The following CTDSPL variants were observed in gnomAD, a reference collection of about 807,000 sequenced individuals.
The protein encoded by CTDSPL is CTD small phosphatase like, also known as CTD small phosphatase-like protein.
Under a neutral mutation model 30.5 loss-of-function variants are expected in CTDSPL, and 8 were observed. The observed-to-expected ratio is 0.26, with a 90% CI of 0.15 to 0.47. The LOEUF (loss-of-function observed/expected upper bound fraction) is 0.47. Among genes scored for constraint, CTDSPL ranks in the 20% least tolerant of loss-of-function variants. CTDSPL has a pLI of 0.99. For missense variants in CTDSPL, 248 were observed against 366.1 expected, an observed-to-expected ratio of 0.68 and a Z score of 2.63; for synonymous variants, 110 against 137.9, an observed-to-expected ratio of 0.80 and a Z score of 1.42.
At chr3:37,875,485 T>A (rs1387431619) in intron 1 of CTDSPL, among the ~76,000 whole-genome samples, 1 of 152,244 alleles carries the variant, frequency 6.6e-6, no homozygotes, top group Admixed American at 6.5e-5. Flanking sequence ...GTATTTAAGC[T>A]TTCAGTGTTT....
intron 1 of CTDSPL, among the ~76,000 whole-genome samples, chr3:37,874,566 C>G (rs1360438416): frequency 6.6e-6 from 1 of 152,076 alleles, no homozygotes; most frequent in Non-Finnish European, 1.5e-5. Flanking sequence ...CCCGTCTCTA[C>G]TAAAAATACA....
At chr3:37,879,219 A>T (rs1698174572) in intron 1 of CTDSPL, among the ~76,000 whole-genome samples, 1 of 152,208 alleles carries the variant, frequency 6.6e-6, no homozygotes, top group East Asian at 1.9e-4. Flanking sequence ...TAGAGATCAC[A>T]ATTCTGATGG....
At chr3:37,874,986 C>T (rs144429484) in intron 1 of CTDSPL, among the ~76,000 whole-genome samples, 3 of 152,208 alleles carry the variant, frequency 2.0e-5, no homozygotes, top group African/African-American at 7.2e-5. Flanking sequence ...CTTAAAAATC[C>T]ACTACCTTTA....
At chr3:37,874,890 TTA>T (rs1330248216) in intron 1 of CTDSPL, among the ~76,000 whole-genome samples, 1 of 152,174 alleles carries the variant, frequency 6.6e-6, no homozygotes, top group South Asian at 2.1e-4. Context: ...GTTGAAAGAA[TTA>T]TATGTCTTAG....
At chr3:37,972,510 A>G (rs1699378940) in intron 6 of CTDSPL, among the ~76,000 whole-genome samples, 1 of 152,332 alleles carries the variant, frequency 6.6e-6, no homozygotes, top group African/African-American at 2.4e-5. Flanking sequence ...ACATATATTT[A>G]TTGGTGATGA....
At chr3:37,972,100 C>G (rs1355001892) in intron 6 of CTDSPL, among the ~76,000 whole-genome samples, 5 of 152,220 alleles carry the variant, frequency 3.3e-5, no homozygotes, top group Non-Finnish European at 7.3e-5. Context: ...GGCTCACATA[C>G]AGCAAGTATT....
intron 3 of CTDSPL, 132 bp from the exon 4 acceptor site, chr3:37,964,439 T>A (rs1699277385): frequency 1.7e-6 from 1 of 572,822 alleles, no homozygotes; most frequent in Admixed American, 3.0e-5. Flanking sequence ...GCAAACTACT[T>A]ATTCCTATTG....
chr3:37,904,096 A>G (rs1047228502), intron 1 of CTDSPL, among the ~76,000 whole-genome samples: 1 of 152,232 alleles, frequency 6.6e-6, no homozygotes, highest in Non-Finnish European at 1.5e-5. Flanking sequence ...TCGTAACATG[A>G]AGAATTCTAT....
intron 1 of CTDSPL, among the ~76,000 whole-genome samples, chr3:37,882,305 G>A (rs2125592771): frequency 6.6e-6 from 1 of 152,196 alleles, no homozygotes; most frequent in East Asian, 1.9e-4. Flanking sequence ...AGCCAGGTGT[G>A]GTGGCTGGTG....
At chr3:37,963,845 A>C (rs1341612494) in intron 3 of CTDSPL, among the ~76,000 whole-genome samples, 1 of 152,110 alleles carries the variant, frequency 6.6e-6, no homozygotes, top group Non-Finnish European at 1.5e-5. Context: ...TATAACTTTC[A>C]GAGGCAGAGA....
intron 1 of CTDSPL, chr3:37,944,780 T>A (rs1699016463): frequency 6.7e-6 from 1 of 150,354 alleles, no homozygotes; most frequent in African/African-American, 2.4e-5. Flanking sequence ...TGCTTCACTC[T>A]TTATACAGAG....
At chr3:37,887,454 T>C (rs911131997) in intron 1 of CTDSPL, among the ~76,000 whole-genome samples, 1 of 152,148 alleles carries the variant, frequency 6.6e-6, no homozygotes, top group Non-Finnish European at 1.5e-5. Context: ...AGGGCAAGGC[T>C]CTGGGGCACA....
intron 1 of CTDSPL, among the ~76,000 whole-genome samples, chr3:37,899,272 T>C (rs1698422852): frequency 6.6e-6 from 1 of 152,194 alleles, no homozygotes; most frequent in African/African-American, 2.4e-5. Flanking sequence ...TAAACATTCC[T>C]GAGGAATGCC....
chr3:37,984,469 A>C lies in CTDSPL; in HGVS notation c.*3602A>C. The C allele has an allele frequency of 2.7e-6, 1 of 376,196 alleles. No individual in the cohort carries two copies. Among genetic ancestry groups the C allele is most frequent in the Non-Finnish European group, 5.4e-6 (1 of 183,494 alleles). The allele number at this position is 376,196 out of a possible 1,614,324, so 23.3% of individuals were successfully genotyped here. On this transcript the variant is annotated 3_prime_UTR_variant, in exon 8 of 8. Coordinates refer to ENST00000273179, the MANE Select transcript of CTDSPL (RefSeq NM_001008392.2). ...GCCAAAAATAAACATGTGAAACTGC[A>C]CTCTTTTGTGGATTGACTACTTTTC...
chr3:37,963,863 G>A lies in CTDSPL; in HGVS notation c.268-708G>A, dbSNP rs563491593. Among the ~76,000 whole-genome samples the A allele has an allele frequency of 2.1e-3, 324 of 151,876 alleles. 2 individuals carry two copies. The highest frequency in any genetic ancestry group is 3.1e-3 in the Non-Finnish European group (211 of 67,914). On this transcript the variant is annotated intron_variant, in intron 3 of 7. Transcript: ENST00000273179. ...AACTTTCAGAGGCAGAGAATCCAAG[G>A]GGTAAAAATACCACATTTGCTCAGT...
At chr3:37,963,854 G>T (rs1367065793) in intron 3 of CTDSPL, among the ~76,000 whole-genome samples, 1 of 151,976 alleles carries the variant, frequency 6.6e-6, no homozygotes, top group Non-Finnish European at 1.5e-5. Flanking sequence ...CAGAGGCAGA[G>T]AATCCAAGGG....
chr3:37,892,691 C>T (rs1402428004), intron 1 of CTDSPL, among the ~76,000 whole-genome samples: 1 of 152,072 alleles, frequency 6.6e-6, no homozygotes, highest in Non-Finnish European at 1.5e-5. Context: ...TCCAAAGCCA[C>T]GTGACCATAA....
Position 37,960,531 on chromosome 3 carries a change from TATATAC to T in CTDSPL, c.267+3390_267+3395del, listed in dbSNP as rs1317671582. On this transcript the variant is annotated intron_variant, in intron 3 of 7. Coordinates refer to ENST00000273179, the MANE Select transcript of CTDSPL (RefSeq NM_001008392.2). ...ATATATATATATATATATATATATATATATACACACACACACACACACACACACACA... is the reference window on the plus strand; with the variant it reads ...ATATATATATATATATATATATATATACACACACACACACACACACACACA... 1.8e-3 allele frequency among the ~76,000 whole-genome samples: 86 copies of T among 47,286 alleles called. 1 individual carries two copies. The highest frequency in any genetic ancestry group is 4.9e-3 in the African/African-American group (46 of 9,336). The allele number at this position is 47,286 out of a possible 152,430, so 31.0% of individuals were successfully genotyped here.
At chr3:37,868,258 A>G (rs1438937383) in intron 1 of CTDSPL, among the ~76,000 whole-genome samples, 5 of 151,730 alleles carry the variant, frequency 3.3e-5, no homozygotes, top group Non-Finnish European at 5.9e-5. Context: ...CCCATGTTCT[A>G]ATTGGATTTT....
Sources: allele counts gnomAD v4.1 joint callset (sites outside exome capture counted in the v4.1 genomes callset), GRCh38; gene constraint gnomAD v4.1.1; transcripts MANE v1.5; gene names NCBI Gene and HGNC (gene_info 2026-07-23, HGNC 2026-07-21).